ZFHX3: variants seen among roughly 807,000 people sequenced by gnomAD.
The protein encoded by ZFHX3 is zinc finger homeobox protein 3.
Under a neutral mutation model 279.1 loss-of-function variants are expected in ZFHX3, and 42 were observed. The observed-to-expected ratio is 0.15, with a 90% confidence interval of 0.12 to 0.19. The LOEUF (loss-of-function observed/expected upper bound fraction) is 0.19, where lower values mean the gene tolerates loss of function less well. ZFHX3 is among the 10% of genes least tolerant of loss of function. ZFHX3 has a pLI of 1.00. For synonymous variants in ZFHX3, 2,293 were observed against 1,957.8 expected (o/e 1.17, Z -4.52); for missense variants, 4,981 against 4,754.0 (o/e 1.05, Z -1.40).
intron 2 of ZFHX3, among the ~76,000 whole-genome samples, chr16:73,573,944 G>C (rs1428204415): frequency 1.3e-5 from 2 of 152,056 alleles, no homozygotes; most frequent in Non-Finnish European, 2.9e-5. Context: ...TGACTCTCCA[G>C]CCTGCTTACC....
At chr16:73,852,700 C>T (rs1961620441) in intron 1 of ZFHX3, among the ~76,000 whole-genome samples, 1 of 152,142 alleles carries the variant, frequency 6.6e-6, no homozygotes, top group South Asian at 2.1e-4. Flanking sequence ...CTTTCTCACC[C>T]AGGCAAGAAA....
At chr16:73,540,959 A>G (rs903183066) in intron 2 of ZFHX3, among the ~76,000 whole-genome samples, 9 of 152,088 alleles carry the variant, frequency 5.9e-5, no homozygotes, top group Non-Finnish European at 1.3e-4. Flanking sequence ...ATGCTCTTTT[A>G]GAATAGATGG....
chr16:72,980,041 T>A (rs1962520314), intron 1 of ZFHX3, among the ~76,000 whole-genome samples: 1 of 152,218 alleles, frequency 6.6e-6, no homozygotes, highest in Non-Finnish European at 1.5e-5. Flanking sequence ...CGGATCTCTT[T>A]GTGGAGGTAA....
chr16:72,962,984 T>C (rs762208232), intron 1 of ZFHX3, among the ~76,000 whole-genome samples: 26 of 152,140 alleles, frequency 1.7e-4, no homozygotes, highest in Admixed American at 2.6e-4. Context: ...GCCGGCTCTC[T>C]CTCGCTCTGT....
chr16:73,502,940 G>A (rs2019264668), intron 2 of ZFHX3, among the ~76,000 whole-genome samples: 1 of 152,202 alleles, frequency 6.6e-6, no homozygotes, highest in Non-Finnish European at 1.5e-5. Context: ...TCACCAACAT[G>A]ATAACTCTAA....
At chr16:73,589,561 C>T (rs1289483703) in intron 2 of ZFHX3, among the ~76,000 whole-genome samples, 1 of 150,244 alleles carries the variant, frequency 6.7e-6, no homozygotes, top group Admixed American at 6.6e-5. Context: ...GAAACCCCGT[C>T]TCTACTAAAA....
chr16:73,199,643 G>A (rs1312342466), intron 5 of ZFHX3, among the ~76,000 whole-genome samples: 2 of 152,150 alleles, frequency 1.3e-5, no homozygotes, highest in Non-Finnish European at 2.9e-5. Flanking sequence ...AACACCTCAA[G>A]GTAAGATCAC....
chr16:73,494,124 C>A (rs989721468), intron 2 of ZFHX3, among the ~76,000 whole-genome samples: 7 of 152,140 alleles, frequency 4.6e-5, no homozygotes, highest in African/African-American at 1.7e-4. Context: ...GTTGGCACGA[C>A]TGCAAGTGTA....
At position 73,502,710 on chromosome 16, in the gene ZFHX3, C is replaced by T. The variant is rs1033594767; in HGVS notation, c.-1546-46452G>A. ...TGGGGTGGGAGCAATGGATATCAGC[C>T]GCTGAAAGAGTGAGAAGATGACCTG... On this transcript the variant is annotated intron_variant, in intron 2 of 17. Transcript: ENST00000641206. Among the ~76,000 whole-genome samples, 9 of 152,256 alleles carry T rather than the reference C, an allele frequency of 5.9e-5. No individual in the cohort carries two copies. In the Middle Eastern group the frequency reaches 0.01, roughly 174 times the overall value.
chr16:73,688,698 G>A (rs1416463915), intron 1 of ZFHX3, among the ~76,000 whole-genome samples: 1 of 152,114 alleles, frequency 6.6e-6, no homozygotes, highest in Non-Finnish European at 1.5e-5. Context: ...GATATGGTTT[G>A]GCTGTGTCCC....
chr16:73,220,402 T>C (rs897136238), intron 5 of ZFHX3, among the ~76,000 whole-genome samples: 1 of 151,712 alleles, frequency 6.6e-6, no homozygotes, highest in Admixed American at 6.6e-5. Flanking sequence ...AAAGAAAATA[T>C]GGGGAAAGCT....
intron 6 of ZFHX3, chr16:73,134,640 T>A (rs1481697026): frequency 6.6e-6 from 1 of 152,012 alleles, no homozygotes; most frequent in Non-Finnish European, 1.5e-5. Flanking sequence ...TGGCTCCCTG[T>A]TAGTTCTTAT....
chr16:73,241,911 TC>T (rs2144944863), intron 5 of ZFHX3, among the ~76,000 whole-genome samples: 1 of 152,054 alleles, frequency 6.6e-6, no homozygotes, highest in Non-Finnish European at 1.5e-5. Context: ...AGTATTGTGA[TC>T]CTAAAACGTT....
intron 5 of ZFHX3, among the ~76,000 whole-genome samples, chr16:73,149,440 G>A (rs4451977): frequency 0.49 from 74,478 of 151,738 alleles, 18,960 homozygotes; most frequent in Middle Eastern, 0.66. Context: ...TGACATTTCC[G>A]CTTATTAGTT....
intron 3 of ZFHX3, among the ~76,000 whole-genome samples, chr16:73,328,989 T>G (rs2015746779): frequency 6.6e-6 from 1 of 152,244 alleles, no homozygotes; most frequent in Non-Finnish European, 1.5e-5. Flanking sequence ...CAAAGCTACA[T>G]GAACTCATTC....
chr16:73,076,829 G>A (rs1455167073), intron 8 of ZFHX3, among the ~76,000 whole-genome samples: 1 of 152,128 alleles, frequency 6.6e-6, no homozygotes, highest in African/African-American at 2.4e-5. Context: ...TATGTGAATG[G>A]CTGTGCGCAG....
chr16:73,491,922 T>A (rs1315957558), intron 2 of ZFHX3, among the ~76,000 whole-genome samples: 2 of 152,160 alleles, frequency 1.3e-5, no homozygotes, highest in East Asian at 3.9e-4. Flanking sequence ...GAAACTCTGG[T>A]CTACCAGATG....
intron 2 of ZFHX3, among the ~76,000 whole-genome samples, chr16:73,669,634 C>T (rs1180852471): frequency 2.6e-5 from 4 of 152,220 alleles, no homozygotes; most frequent in Non-Finnish European, 4.4e-5. Context: ...AACATGAAGA[C>T]CTGGAGGCCA....
At chr16:73,279,569 G>C (rs1320279381) in intron 4 of ZFHX3, among the ~76,000 whole-genome samples, 1 of 152,124 alleles carries the variant, frequency 6.6e-6, no homozygotes, top group Non-Finnish European at 1.5e-5. Flanking sequence ...TCTTTTGTCT[G>C]TACATTTCTC....
Sources: allele counts gnomAD v4.1 joint callset (sites outside exome capture counted in the v4.1 genomes callset), GRCh38; gene constraint gnomAD v4.1.1; transcripts MANE v1.5; gene names NCBI Gene and HGNC (gene_info 2026-07-23, HGNC 2026-07-21).